Variants in PARP14 observed in about 807,000 individuals in gnomAD.
PARP14 encodes protein mono-ADP-ribosyltransferase PARP14.
In PARP14, 59 loss-of-function variants were observed where a neutral mutation model predicts 154.2. The ratio of observed to expected loss-of-function variants is 0.38; its 90% confidence interval spans 0.31 to 0.48. The LOEUF (loss-of-function observed/expected upper bound fraction) is 0.48. Among genes scored for constraint, PARP14 ranks in the 20% least tolerant of loss-of-function variants. The pLI, the probability that PARP14 is intolerant of heterozygous loss-of-function variation, is 0.98. For synonymous variants in PARP14, 720 were observed against 780.5 expected (o/e 0.92, Z 1.29); for missense variants, 1,734 against 2,131.6 (o/e 0.81, Z 3.67).
At chr3:122,725,133 A>C (rs1334408872) in intron 15 of PARP14, among the ~76,000 whole-genome samples, 1 of 151,768 alleles carries the variant, frequency 6.6e-6, no homozygotes, top group Non-Finnish European at 1.5e-5. Flanking sequence ...CATCGTCATC[A>C]TGGCCCGTTC....
At position 122,687,062 on chromosome 3, in the gene PARP14, T is replaced by C. The variant is rs771000101; in HGVS notation, c.322-18T>C. ...TTGTTAATCATGTATTAATGCTACT[T>C]TATTGTTTGTGTTTCAGGAATCCAA... On this transcript the variant is annotated intron_variant, in intron 2 of 16. Coordinates refer to ENST00000474629, the MANE Select transcript of PARP14 (RefSeq NM_017554.3). The C allele has an allele frequency of 1.3e-6, 2 of 1,560,400 alleles. No individual in the cohort carries two copies. The highest frequency in any genetic ancestry group is 4.5e-5 in the East Asian group (2 of 43,992).
chr3:122,683,407 A>T, intron 1 of PARP14: 1 of 305,102 alleles, frequency 3.3e-6, no homozygotes, highest in Non-Finnish European at 4.8e-6. Context: ...CATGTATAGC[A>T]AATAGAAACA....
chr3:122,720,483 T>G (rs1464816501), intron 15 of PARP14, 95 bp downstream of exon 15: 3 of 1,178,772 alleles, frequency 2.5e-6, no homozygotes, highest in Admixed American at 2.0e-5. Context: ...CCTATCACAT[T>G]TTTTTAAACC....
Position 122,701,697 on chromosome 3 carries a change from C to T in PARP14, c.3081+62C>T. 1.7e-6 allele frequency: 2 copies of T among 1,190,344 alleles called. No individual in the cohort carries two copies. Among genetic ancestry groups the T allele is most frequent in the Non-Finnish European group, 2.3e-6 (2 of 855,460 alleles). 73.7% of individuals were successfully genotyped at this position (1,190,344 alleles called of 1,614,324 possible). On this transcript the variant is annotated intron_variant, in intron 6 of 16. Coordinates refer to ENST00000474629, the MANE Select transcript of PARP14 (RefSeq NM_017554.3). This position sits in a 1 kb window ranked among gnomAD's most constrained non-coding sequence, Gnocchi z 4.0. ...GTGACTTTACTTAGTCAGTGGCTCT[C>T]TCATGGAGGGCTGAAGAAAGATAAG...
Position 122,700,227 on chromosome 3 carries a change from T to A in PARP14, c.1673T>A (p.Leu558His), listed in dbSNP as rs780861946. Residue 558 changes from leucine to histidine, a missense_variant, in exon 6 of 17, where the codon CTT becomes CAT. Physicochemically the swap from Leu to His is moderately conservative, Grantham distance 99. Around this residue, in one of 2 missense-constraint regions of PARP14, gnomAD observed 1,646 missense variants for 1,976.0 expected, o/e 0.83. Coordinates refer to ENST00000474629, the MANE Select transcript of PARP14 (RefSeq NM_017554.3). ...QVNWKEFSKC[L>H]FIAQKILALY... ...AACTGGAAAGAATTCTCTAAGTGTC[T>A]TTTCATAGCACAGAAGATTCTTGCA... 1.1e-4 allele frequency: 183 copies of A among 1,611,852 alleles called. No homozygotes were observed. The highest frequency in any genetic ancestry group is 1.5e-4 in the Non-Finnish European group (177 of 1,178,692).
At position 122,699,922 on chromosome 3, in the gene PARP14, T is replaced by C. The variant is rs925462900; in HGVS notation, c.1368T>C (p.Thr456=). 3 of 1,613,822 alleles carry C rather than the reference T, an allele frequency of 1.9e-6. No individual in the cohort carries two copies. The highest frequency in any genetic ancestry group is 1.7e-6 in the Non-Finnish European group (2 of 1,179,872). Residue 456 remains threonine, a synonymous_variant, in exon 6 of 17, where the codon ACT becomes ACC. Transcript: ENST00000474629. ...EVQVRELIES[T]TQKIKREEQS... is the part of the protein sequence containing the mutation. ...AAGTCAGGGAGTTAATAGAAAGCAC[T>C]ACTCAAAAAATTAAAAGGGAAGAGC...
chr3:122,721,886 G>T (rs1933174736), intron 15 of PARP14: 1 of 152,092 alleles, frequency 6.6e-6, no homozygotes, highest in Non-Finnish European at 1.5e-5. Context: ...TATACCTTCA[G>T]ATAAAATAAA....
At chr3:122,683,076 CAAAA>C (rs1938264075) in intron 1 of PARP14, among the ~76,000 whole-genome samples, 1 of 151,852 alleles carries the variant, frequency 6.6e-6, no homozygotes, top group Non-Finnish European at 1.5e-5. Flanking sequence ...AACAAACAAA[CAAAA>C]AGAAACAAAC....
Position 122,728,646 on chromosome 3 carries a change from G to A in PARP14, c.*49G>A. 1 of 1,422,068 alleles carries A rather than the reference G, an allele frequency of 7.0e-7. No homozygotes were observed. The highest frequency in any genetic ancestry group is 1.3e-5 in the South Asian group (1 of 76,306). The allele number at this position is 1,422,068 out of a possible 1,614,324, so 88.1% of individuals were successfully genotyped here. A position where few individuals can be genotyped will look rare whatever the true frequency, so the allele number is the denominator to read the frequency against. On this transcript the variant is annotated 3_prime_UTR_variant, in exon 17 of 17. Transcript: ENST00000474629. ...ATTATTCTCCATTTGTACATATCTA[G>A]TTGTAAAACAAGTTTTAGCTTTTTT...
intron 1 of PARP14, among the ~76,000 whole-genome samples, chr3:122,682,094 G>A (rs1041644724): frequency 2.0e-5 from 3 of 152,262 alleles, no homozygotes; most frequent in African/African-American, 4.8e-5. Flanking sequence ...CAGAAGGAAG[G>A]AAGGAGGGGG....
chr3:122,724,940 CAT>C (rs1308878375), intron 15 of PARP14, among the ~76,000 whole-genome samples: 3 of 152,186 alleles, frequency 2.0e-5, no homozygotes, highest in Admixed American at 6.5e-5. Context: ...TGACACAGCA[CAT>C]GTTTCAGAGA....
At chr3:122,715,824 A>G (rs558976861) in intron 12 of PARP14, among the ~76,000 whole-genome samples, 174 of 152,278 alleles carry the variant, frequency 1.1e-3, no homozygotes, top group Non-Finnish European at 1.9e-3. Flanking sequence ...GGTGCCACAG[A>G]CCTTCCCAAA....
chr3:122,687,007 G>A, intron 2 of PARP14, 73 bp from the exon 3 acceptor site: 1 of 1,063,188 alleles, frequency 9.4e-7, no homozygotes, highest in East Asian at 2.6e-5. Context: ...CTCCAGGCTG[G>A]TCCCAGGGAC....
Position 122,703,988 on chromosome 3 carries a change from G to A in PARP14, c.3318+10G>A. ...CACATCTTCACTCAAGGTTGGGCCT[G>A]GTTTTGAATTCTCCATGAAGTTGGG... On this transcript the variant is annotated intron_variant, in intron 7 of 16. Transcript: ENST00000474629. The A allele has an allele frequency of 2.5e-6, 4 of 1,594,506 alleles. No homozygotes were observed. Among genetic ancestry groups the A allele is most frequent in the Non-Finnish European group, 3.4e-6 (4 of 1,162,304 alleles).
At position 122,728,730 on chromosome 3, in the gene PARP14, TCA is replaced by T; in HGVS notation, c.*134_*135del. Reference sequence around the variant, plus strand: ...CAAGGATCATTCTTTGTCGCTGAAGTCAGTCTTTCTTCAGCTTCCCTTTCATA... The same window carrying T: ...CAAGGATCATTCTTTGTCGCTGAAGTGTCTTTCTTCAGCTTCCCTTTCATA... On this transcript the variant is annotated 3_prime_UTR_variant, in exon 17 of 17. Transcript: ENST00000474629. 1.5e-6 allele frequency: 1 copy of T among 669,878 alleles called. No individual in the cohort carries two copies. The highest frequency in any genetic ancestry group is 2.6e-6 in the Non-Finnish European group (1 of 389,554). The allele number at this position is 669,878 out of a possible 1,614,324, so 41.5% of individuals were successfully genotyped here.
Position 122,701,621 on chromosome 3 carries a change from G to A in PARP14, c.3067G>A (p.Val1023Met). ...GLQMLLVKEGVQNAKTDVVVN... is the reference protein window; with the variant it reads ...GLQMLLVKEGMQNAKTDVVVN... ...GCAGATGCTGTTGGTGAAAGAGGGT[G>A]TGCAGAATGCTAAGGTGAGTGTCGC... is the stretch of plus-strand genomic sequence containing the variant. Residue 1023 changes from valine (V) to methionine (M), a missense_variant, in exon 6 of 17, where the codon GTG (valine) becomes ATG (methionine). Val to Met is a conservative substitution (Grantham distance 21, BLOSUM62 1). Coordinates refer to ENST00000474629, the MANE Select transcript of PARP14 (RefSeq NM_017554.3). This position sits in a 1 kb window ranked among gnomAD's most constrained non-coding sequence, Gnocchi z 4.0. 6.3e-7 allele frequency: 1 copy of A among 1,594,622 alleles called. No individual in the cohort carries two copies. The highest frequency in any genetic ancestry group is 8.5e-7 in the Non-Finnish European group (1 of 1,170,192).
intron 12 of PARP14, among the ~76,000 whole-genome samples, chr3:122,716,816 T>G (rs1933013672): frequency 6.6e-6 from 1 of 152,212 alleles, no homozygotes; most frequent in Non-Finnish European, 1.5e-5. Flanking sequence ...CGTGCCAGGC[T>G]GAACATATAC....
intron 15 of PARP14, chr3:122,720,928 G>A (rs751042158): frequency 2.3e-6 from 1 of 426,672 alleles, no homozygotes; most frequent in South Asian, 1.7e-5. Context: ...GTAACATAGT[G>A]AGATCCTGCT....
chr3:122,717,383 G>A (rs1235414277), intron 12 of PARP14, among the ~76,000 whole-genome samples: 1 of 152,216 alleles, frequency 6.6e-6, no homozygotes, highest in Non-Finnish European at 1.5e-5. Context: ...TGAGAAGGAG[G>A]ATATGGAGTA....
Sources: gnomAD v4.1 joint callset for allele counts (sites outside exome capture counted in the v4.1 genomes callset) on GRCh38, gnomAD v4.1.1 for gene constraint, gnomAD v4.1.1 regional missense constraint, Gnocchi (gnomAD v3.1) non-coding constraint, MANE v1.5 for transcripts, NCBI Gene and HGNC (gene_info 2026-07-23, HGNC 2026-07-21) for gene names.